LRP1B: variants seen among roughly 807,000 people sequenced by gnomAD.
LRP1B encodes the protein LDL receptor related protein 1B.
In LRP1B, 217 loss-of-function variants were observed where a neutral mutation model predicts 556.6. The ratio of observed to expected loss-of-function variants is 0.39; its 90% CI spans 0.35 to 0.44. The LOEUF (loss-of-function observed/expected upper bound fraction) is 0.44, where lower values mean the gene tolerates loss of function less well. Ranked by LOEUF, LRP1B falls within the 20% of genes least tolerant of loss-of-function variation. The pLI is 1.00. For synonymous variants in LRP1B, 2,047 were observed against 1,865.8 expected, an observed-to-expected ratio of 1.10 and a Z score of -2.50; for missense variants, 5,053 against 5,620.8, an observed-to-expected ratio of 0.90 and a Z score of 3.23.
rs58239958 is a variant in LRP1B, at chr2:140,572,795, CATAAA to C, written c.7194+25831_7194+25835del. On this transcript the variant is annotated intron_variant, in intron 43 of 90. Coordinates refer to ENST00000389484, the MANE Select transcript of LRP1B (RefSeq NM_018557.3). Reference sequence around the variant, plus strand: ...TATACACAATGAGATACTATTCAGCCATAAAATAAAATAAAATAAAATAAAATAAA... The same window carrying C: ...TATACACAATGAGATACTATTCAGCCATAAAATAAAATAAAATAAAATAAA... 9.4e-3 allele frequency among the ~76,000 whole-genome samples: 1,263 copies of C among 135,070 alleles called. 13 individuals are homozygous for C. The highest frequency in any genetic ancestry group is 0.036 in the East Asian group (165 of 4,596). The allele number at this position is 135,070 out of a possible 152,430, so 88.6% of individuals were successfully genotyped here.
chr2:140,733,926 A>T (rs10200122), intron 35 of LRP1B, among the ~76,000 whole-genome samples: 24,294 of 152,210 alleles, frequency 0.16, 2,013 homozygotes, highest in South Asian at 0.2. Context: ...GTAAATTTTA[A>T]GTAGATTGTC....
chr2:140,501,557 G>T, intron 55 of LRP1B, 130 bp downstream of exon 55: 2 of 524,620 alleles, frequency 3.8e-6, no homozygotes, highest in Non-Finnish European at 6.2e-6. Context: ...TCTTCATATC[G>T]ACACTCTCCA....
intron 1 of LRP1B, among the ~76,000 whole-genome samples, chr2:141,835,800 G>A (rs1171115337): frequency 2.0e-5 from 3 of 150,918 alleles, no homozygotes; most frequent in Non-Finnish European, 3.0e-5. Context: ...AAGTAGTGAG[G>A]TATACACACA....
At chr2:142,080,268 G>T (rs988225888) in intron 1 of LRP1B, among the ~76,000 whole-genome samples, 1 of 152,038 alleles carries the variant, frequency 6.6e-6, no homozygotes, top group Admixed American at 6.5e-5. Flanking sequence ...GAAATAAAAG[G>T]TGCTATTAAG....
At chr2:141,196,589 T>C (rs1206477464) in intron 6 of LRP1B, among the ~76,000 whole-genome samples, 2 of 152,100 alleles carry the variant, frequency 1.3e-5, no homozygotes, top group African/African-American at 4.8e-5. Flanking sequence ...TTTGGGTTAT[T>C]TTTAGAGTTA....
intron 90 of LRP1B, 78 bp from the exon 91 acceptor site, chr2:140,233,404 C>T (rs1212126427): frequency 3.2e-6 from 3 of 951,806 alleles, no homozygotes; most frequent in African/African-American, 3.4e-5. Flanking sequence ...GAATGTCCAT[C>T]TCCTAATCGT....
chr2:140,393,765 A>G (rs1314362778), intron 66 of LRP1B, among the ~76,000 whole-genome samples: 3 of 152,200 alleles, frequency 2.0e-5, no homozygotes, highest in African/African-American at 4.8e-5. Flanking sequence ...TTTGATTTCC[A>G]GATTATAACA....
At chr2:140,293,051 G>A (rs898974684) in intron 84 of LRP1B, among the ~76,000 whole-genome samples, 4 of 152,094 alleles carry the variant, frequency 2.6e-5, no homozygotes, top group African/African-American at 9.7e-5. Context: ...AAGCTGTACA[G>A]GTATACTTCT....
intron 32 of LRP1B, among the ~76,000 whole-genome samples, chr2:140,810,142 C>T (rs1358219597): frequency 6.6e-6 from 1 of 152,166 alleles, no homozygotes; most frequent in African/African-American, 2.4e-5. Flanking sequence ...AACTAAGAGT[C>T]TCGAGCGGTT....
chr2:140,808,193 A>G (rs569846172), intron 32 of LRP1B, among the ~76,000 whole-genome samples: 1 of 72,324 alleles, frequency 1.4e-5, no homozygotes, highest in African/African-American at 3.6e-5. Flanking sequence ...AGGTGTTAAC[A>G]GTCCTCATTA....
At chr2:141,109,391 G>A (rs1309273506) in intron 7 of LRP1B, among the ~76,000 whole-genome samples, 4 of 152,162 alleles carry the variant, frequency 2.6e-5, no homozygotes, top group Non-Finnish European at 5.9e-5. Flanking sequence ...TGAACCCACT[G>A]GCAGTTACAC....
At chr2:140,517,070 A>G (rs1689938788) in intron 49 of LRP1B, 59 bp from the exon 50 acceptor site, 8 of 1,220,392 alleles carry the variant, frequency 6.6e-6, no homozygotes, top group Non-Finnish European at 8.5e-6. Flanking sequence ...ATATAGGTAG[A>G]TAAATCATTA....
chr2:140,546,992 G>A lies in LRP1B; in HGVS notation c.7195-5021C>T, dbSNP rs145265036. 1.8e-4 allele frequency among the ~76,000 whole-genome samples: 27 copies of A among 152,134 alleles called. 1 individual carries two copies. In the East Asian group the frequency reaches 2.1e-3, roughly 12 times the overall value. On this transcript the variant is annotated intron_variant, in intron 43 of 90. Transcript: ENST00000389484. ...CATATGTTGAACCAAGCTTGCATCCGAGGGATAAAGCCTACTTGATTGTAG... is the reference window on the plus strand; with the variant it reads ...CATATGTTGAACCAAGCTTGCATCCAAGGGATAAAGCCTACTTGATTGTAG...
chr2:141,367,193 A>T (rs1449614803), intron 3 of LRP1B, among the ~76,000 whole-genome samples: 1 of 152,240 alleles, frequency 6.6e-6, no homozygotes, highest in African/African-American at 2.4e-5. Context: ...TATAGTTAAC[A>T]TTAAGTGAGC....
intron 37 of LRP1B, among the ~76,000 whole-genome samples, chr2:140,704,039 A>C (rs1470273915): frequency 6.6e-6 from 1 of 152,136 alleles, no homozygotes; most frequent in Middle Eastern, 3.2e-3. Flanking sequence ...GATTATTTGA[A>C]TGGTAGCTCT....
chr2:140,490,655 T>C (rs1421291879), intron 57 of LRP1B, among the ~76,000 whole-genome samples: 2 of 152,142 alleles, frequency 1.3e-5, no homozygotes, highest in Non-Finnish European at 2.9e-5. Context: ...TGGTTTCTAC[T>C]GCCTAGAACT....
chr2:142,124,818 C>T (rs150519027), intron 1 of LRP1B, among the ~76,000 whole-genome samples: 2 of 151,752 alleles, frequency 1.3e-5, no homozygotes, highest in African/African-American at 4.8e-5. Context: ...ATAATTCTTT[C>T]AGGGAAATAT....
intron 7 of LRP1B, among the ~76,000 whole-genome samples, chr2:141,145,722 C>T (rs535057879): frequency 4.6e-5 from 7 of 151,246 alleles, no homozygotes; most frequent in East Asian, 3.9e-4. Flanking sequence ...TAGTAGAGAC[C>T]GGGTTTCATC....
chr2:140,693,724 G>C (rs1479237371), intron 41 of LRP1B, among the ~76,000 whole-genome samples: 1 of 150,116 alleles, frequency 6.7e-6, no homozygotes, highest in Non-Finnish European at 1.5e-5. Context: ...GTGGCGGGGG[G>C]GCGTGGAGAG....
Sources: gnomAD v4.1 joint callset for allele counts (sites outside exome capture counted in the v4.1 genomes callset) on GRCh38, gnomAD v4.1.1 for gene constraint, MANE v1.5 for transcripts, NCBI Gene and HGNC (gene_info 2026-07-23, HGNC 2026-07-21) for gene names.